SLC44A5: variants seen among roughly 807,000 people sequenced by gnomAD.
The protein encoded by SLC44A5 is solute carrier family 44 member 5.
In SLC44A5, 57 loss-of-function variants were observed where a neutral mutation model predicts 101.8. That is an observed-to-expected ratio of 0.56 (90% CI 0.45 to 0.70). The LOEUF (loss-of-function observed/expected upper bound fraction) is 0.70, where lower values mean the gene tolerates loss of function less well. Among genes scored for constraint, SLC44A5 ranks in the 30% least tolerant of loss-of-function variants. SLC44A5 has a pLI of 0.00. For synonymous variants in SLC44A5, 281 were observed against 290.9 expected, an observed-to-expected ratio of 0.97 and a Z score of 0.35; for missense variants, 737 against 853.1, an observed-to-expected ratio of 0.86 and a Z score of 1.70.
At chr1:75,482,483 T>A (rs1026573848) in intron 2 of SLC44A5, among the ~76,000 whole-genome samples, 2 of 152,032 alleles carry the variant, frequency 1.3e-5, no homozygotes, top group Non-Finnish European at 2.9e-5. Context: ...TGAATACACA[T>A]TGGCTATTTG....
At chr1:75,568,804 C>T (rs376728889) in intron 1 of SLC44A5, among the ~76,000 whole-genome samples, 12 of 152,190 alleles carry the variant, frequency 7.9e-5, no homozygotes, top group African/African-American at 9.6e-5. Context: ...CATAAAGATG[C>T]TTTCAATTTC....
chr1:75,315,224 A>C (rs1294860753), intron 4 of SLC44A5, among the ~76,000 whole-genome samples: 2 of 152,200 alleles, frequency 1.3e-5, no homozygotes, highest in Admixed American at 1.3e-4. Context: ...AAACTTTGAC[A>C]TGGATTGGAT....
chr1:75,661,411 A>AAAC, the SLC44A5 span, among the ~76,000 whole-genome samples: 2 of 148,340 alleles, frequency 1.3e-5, no homozygotes, highest in African/African-American at 5.0e-5. Flanking sequence ...AAAAAAAAAA[A>AAAC]AAAACACCAT....
At chr1:75,364,482 C>A (rs1019009880) in intron 3 of SLC44A5, among the ~76,000 whole-genome samples, 1 of 152,128 alleles carries the variant, frequency 6.6e-6, no homozygotes. Flanking sequence ...TGATGCTAAA[C>A]CATTCACGAG....
chr1:75,435,787 C>T (rs1557781258), intron 2 of SLC44A5, among the ~76,000 whole-genome samples: 1 of 152,078 alleles, frequency 6.6e-6, no homozygotes, highest in Non-Finnish European at 1.5e-5. Flanking sequence ...ATGTTATCAG[C>T]ATTCTTTCAA....
rs1190723357 is a variant in SLC44A5, at chr1:75,420,052, G to A, written c.14-23431C>T. Among the ~76,000 whole-genome samples, 4 of 152,082 alleles carry A rather than the reference G, an allele frequency of 2.6e-5. No homozygotes were observed. In the South Asian group the frequency reaches 8.3e-4, roughly 31 times the overall value. ...TAGTTCATGGGGGCAGAGCCTTCAT[G>A]AATGAGATTAGTGTCCTTCTAAGAG... is the stretch of plus-strand genomic sequence containing the variant. On this transcript the variant is annotated intron_variant, in intron 2 of 23. Transcript: ENST00000370859.
At chr1:75,676,959 A>G in the SLC44A5 span, among the ~76,000 whole-genome samples, 1 of 152,186 alleles carries the variant, frequency 6.6e-6, no homozygotes, top group Non-Finnish European at 1.5e-5. Flanking sequence ...AGAGAGTGGC[A>G]TGACATATTT....
chr1:75,313,857 A>G (rs549603459), intron 4 of SLC44A5, among the ~76,000 whole-genome samples: 53 of 152,330 alleles, frequency 3.5e-4, no homozygotes, highest in South Asian at 1.0e-3. Context: ...GAAAAACAAG[A>G]TCAAGAAAAA....
the SLC44A5 span, among the ~76,000 whole-genome samples, chr1:75,664,278 A>G: frequency 6.6e-6 from 1 of 152,174 alleles, no homozygotes; most frequent in Non-Finnish European, 1.5e-5. Flanking sequence ...CTCGCATTAC[A>G]CCTATTCAAC....
chr1:75,712,844 T>C, the SLC44A5 span, among the ~76,000 whole-genome samples: 3 of 152,136 alleles, frequency 2.0e-5, no homozygotes, highest in African/African-American at 7.2e-5. Context: ...ACCAAGAGTT[T>C]TGCACTTGGC....
the SLC44A5 span, among the ~76,000 whole-genome samples, chr1:75,622,407 T>C: frequency 6.6e-6 from 1 of 152,040 alleles, no homozygotes; most frequent in Non-Finnish European, 1.5e-5. Flanking sequence ...ACCTCTAGAA[T>C]TGCATTCCTC....
intron 9 of SLC44A5, among the ~76,000 whole-genome samples, chr1:75,239,729 C>G (rs1215949795): frequency 1.3e-5 from 2 of 152,044 alleles, no homozygotes; most frequent in Non-Finnish European, 2.9e-5. Flanking sequence ...AAATTATCCT[C>G]CCAGTGATCC....
intron 2 of SLC44A5, among the ~76,000 whole-genome samples, chr1:75,426,457 A>G (rs899561398): frequency 3.3e-5 from 5 of 152,206 alleles, no homozygotes; most frequent in Admixed American, 1.3e-4. Context: ...TTTAAAAGCT[A>G]CAGTTAATAT....
intron 6 of SLC44A5, among the ~76,000 whole-genome samples, chr1:75,260,486 A>G (rs1461648532): frequency 6.6e-6 from 1 of 152,124 alleles, no homozygotes; most frequent in Non-Finnish European, 1.5e-5. Context: ...CATCCTAAAT[A>G]TATATGCACC....
intron 2 of SLC44A5, among the ~76,000 whole-genome samples, chr1:75,449,171 G>A (rs1665754240): frequency 6.6e-6 from 1 of 152,210 alleles, no homozygotes; most frequent in South Asian, 2.1e-4. Context: ...AATTTTGTCA[G>A]TGTTGGTAAT....
intron 2 of SLC44A5, among the ~76,000 whole-genome samples, chr1:75,457,729 A>G (rs549675031): frequency 3.9e-5 from 6 of 152,204 alleles, no homozygotes; most frequent in African/African-American, 1.4e-4. Flanking sequence ...ATGGAGGCGC[A>G]TGCCTGTAAT....
intron 4 of SLC44A5, among the ~76,000 whole-genome samples, chr1:75,338,981 T>G (rs1259020261): frequency 6.6e-6 from 1 of 152,106 alleles, no homozygotes. Flanking sequence ...AAATAGAGGC[T>G]AAAATAAATA....
intron 2 of SLC44A5, among the ~76,000 whole-genome samples, chr1:75,513,056 T>C (rs1669647781): frequency 6.6e-6 from 1 of 152,216 alleles, no homozygotes; most frequent in Non-Finnish European, 1.5e-5. Context: ...GAGCCTGAGA[T>C]AAAATACTTG....
intron 4 of SLC44A5, among the ~76,000 whole-genome samples, chr1:75,310,068 A>G (rs532551037): frequency 8.6e-4 from 131 of 152,340 alleles, no homozygotes; most frequent in African/African-American, 3.1e-3. Context: ...TATTCCCTAA[A>G]TGTTTATTTG....
Sources: allele counts gnomAD v4.1 joint callset (sites outside exome capture counted in the v4.1 genomes callset), GRCh38; gene constraint gnomAD v4.1.1; transcripts MANE v1.5; gene names NCBI Gene and HGNC (gene_info 2026-07-23, HGNC 2026-07-21).